RNLS: variants seen among roughly 807,000 people sequenced by gnomAD.
RNLS encodes renalase, FAD dependent amine oxidase, also known as renalase.
Under a neutral mutation model 39.8 loss-of-function variants are expected in RNLS, and 39 were observed. The ratio of observed to expected loss-of-function variants is 0.98; its 90% confidence interval spans 0.76 to 1.28. The LOEUF (loss-of-function observed/expected upper bound fraction) is 1.28. Ranked by LOEUF, RNLS falls within the 50% of genes most tolerant of loss-of-function variation. RNLS has a pLI of 0.00. For missense variants in RNLS, 410 were observed against 413.3 expected (o/e 0.99, Z 0.07); for synonymous variants, 147 against 150.7 (o/e 0.98, Z 0.18).
chr10:88,507,128 C>T (rs904091527), intron 4 of RNLS, among the ~76,000 whole-genome samples: 12 of 152,096 alleles, frequency 7.9e-5, no homozygotes, highest in Admixed American at 5.9e-4. Flanking sequence ...AAATCACGGC[C>T]AATGGCCAAG....
intron 4 of RNLS, among the ~76,000 whole-genome samples, chr10:88,554,667 T>C (rs1355573879): frequency 1.3e-5 from 2 of 152,004 alleles, no homozygotes; most frequent in Non-Finnish European, 2.9e-5. Flanking sequence ...CATCTATCTG[T>C]GTTGATGTGC....
At chr10:88,327,395 T>C (rs970575796) in intron 5 of RNLS, among the ~76,000 whole-genome samples, 1 of 152,132 alleles carries the variant, frequency 6.6e-6, no homozygotes, top group Non-Finnish European at 1.5e-5. Context: ...TGAAAGTGAG[T>C]GAGTTCTCAT....
intron 6 of RNLS, 45 bp from the exon 7 acceptor site, chr10:88,285,551 T>C (rs1319738871): frequency 5.1e-6 from 8 of 1,566,610 alleles, no homozygotes; most frequent in African/African-American, 1.4e-5. Flanking sequence ...CTGTGCTCTA[T>C]TGTGCTGTCA....
chr10:88,293,410 T>C (rs1843822635), intron 6 of RNLS, among the ~76,000 whole-genome samples: 4 of 152,306 alleles, frequency 2.6e-5, no homozygotes, highest in Admixed American at 2.6e-4. Context: ...TGTTCTTTTA[T>C]AGCCCCTATC....
At position 88,336,417 on chromosome 10, in the gene RNLS, A is replaced by G. The variant is rs1847501039; in HGVS notation, c.701-21776T>C. 2.0e-5 allele frequency among the ~76,000 whole-genome samples: 3 copies of G among 152,234 alleles called. No homozygotes were observed. In the South Asian group the frequency reaches 6.2e-4, roughly 31 times the overall value. On this transcript the variant is annotated intron_variant, in intron 5 of 6. Transcript: ENST00000331772. ...TTTGGATTTCTTATGTTTAAACAAG[A>G]CACACAGACATCCTCTAAACAACTC... is the stretch of plus-strand genomic sequence containing the variant.
chr10:88,354,542 GC>G (rs746725693), intron 5 of RNLS, among the ~76,000 whole-genome samples: 1 of 152,164 alleles, frequency 6.6e-6, no homozygotes, highest in East Asian at 1.9e-4. Flanking sequence ...TTGAATATTG[GC>G]CCCCCCTCTC....
the RNLS span, among the ~76,000 whole-genome samples, chr10:88,190,239 T>G: frequency 2.0e-5 from 3 of 152,244 alleles, no homozygotes; most frequent in Non-Finnish European, 4.4e-5. Context: ...AGGAACTGCT[T>G]CATTCTTTCA....
chr10:88,172,787 T>A, the RNLS span, among the ~76,000 whole-genome samples: 2 of 151,196 alleles, frequency 1.3e-5, no homozygotes, highest in Non-Finnish European at 2.9e-5. Context: ...TATGTTTTCT[T>A]CTAAGAGTTT....
chr10:88,196,043 TA>T, the RNLS span, among the ~76,000 whole-genome samples: 1 of 152,174 alleles, frequency 6.6e-6, no homozygotes, highest in Non-Finnish European at 1.5e-5. Flanking sequence ...GAGGTGTAGA[TA>T]AAATGGGGAC....
At chr10:88,198,860 C>G in the RNLS span, among the ~76,000 whole-genome samples, 1 of 152,114 alleles carries the variant, frequency 6.6e-6, no homozygotes, top group Non-Finnish European at 1.5e-5. Context: ...AGTGCAAGAA[C>G]AAACCAATAC....
At chr10:88,507,301 C>A (rs1845846595) in intron 4 of RNLS, among the ~76,000 whole-genome samples, 2 of 151,924 alleles carry the variant, frequency 1.3e-5, no homozygotes, top group South Asian at 4.1e-4. Context: ...TAATAATTTT[C>A]TTTGAATATT....
At chr10:88,341,329 CAAAAAAAAAAAA>C (rs755002114) in intron 5 of RNLS, among the ~76,000 whole-genome samples, 2 of 50,698 alleles carry the variant, frequency 3.9e-5, no homozygotes, top group East Asian at 4.6e-4. Flanking sequence ...AACTCCATCT[CAAAAAAAAAAAA>C]AAAAAAAAAG....
At chr10:88,338,112 A>G (rs78571821) in intron 5 of RNLS, among the ~76,000 whole-genome samples, 12 of 152,346 alleles carry the variant, frequency 7.9e-5, no homozygotes, top group African/African-American at 2.6e-4. Context: ...CAGTCTAAAA[A>G]TCAGTTGGCA....
intron 4 of RNLS, among the ~76,000 whole-genome samples, chr10:88,420,087 T>TAAG (rs1854313052): frequency 6.6e-6 from 1 of 150,634 alleles, no homozygotes. Context: ...AATAAAATAA[T>TAAG]AAGAGCATTG....
At chr10:88,548,261 C>CAAAAAAAAAAAAAAAAAAAAAAAAAAAA (rs869175046) in intron 4 of RNLS, among the ~76,000 whole-genome samples, 2 of 32,404 alleles carry the variant, frequency 6.2e-5, no homozygotes, top group Non-Finnish European at 4.6e-5. Flanking sequence ...GACTCCGTCT[C>CAAAAAAAAAAAAAAAAAAAAAAAAAAAA]AAAAAAAAAA....
At position 88,429,993 on chromosome 10, in the gene RNLS, G is replaced by T. The variant is rs188291633; in HGVS notation, c.527-67268C>A. 1.7e-3 allele frequency among the ~76,000 whole-genome samples: 263 copies of T among 151,658 alleles called. 2 individuals carry two copies. Among genetic ancestry groups the T allele is most frequent in the African/African-American group, 5.8e-3 (242 of 41,430 alleles). On this transcript the variant is annotated intron_variant, in intron 4 of 6. Transcript: ENST00000331772. ...TTTCAAATTGTTTTCCCTATTCTAG[G>T]TCCTTTGCATTTACACATGAATTTT...
At chr10:88,501,226 C>G (rs1845467443) in intron 4 of RNLS, among the ~76,000 whole-genome samples, 1 of 152,064 alleles carries the variant, frequency 6.6e-6, no homozygotes, top group Non-Finnish European at 1.5e-5. Context: ...GGGATATATA[C>G]ATGATCAATA....
Position 88,583,098 on chromosome 10 carries a change from A to G in RNLS, c.93T>C (p.Ala31=), listed in dbSNP as rs138933182. The G allele has an allele frequency of 2.4e-5, 38 of 1,613,918 alleles. No individual in the cohort carries two copies. Among genetic ancestry groups the G allele is most frequent in the Non-Finnish European group, 3.1e-5 (37 of 1,179,920 alleles). The part of the protein sequence containing the change: ...RRQTSGPLYL[A]VWDKAEDSGG... ...CTGAGTCCTCAGCCTTGTCCCACAC[A>G]GCAAGGTACAAGGGACCGGACGTCT... The change falls in exon 1 of 7, where the codon GCT becomes GCC. Residue 31 remains alanine (A), a synonymous_variant. Transcript: ENST00000331772.
intron 4 of RNLS, among the ~76,000 whole-genome samples, chr10:88,411,060 A>G (rs1000484357): frequency 6.6e-6 from 1 of 152,172 alleles, no homozygotes; most frequent in African/African-American, 2.4e-5. Context: ...TGATTCCACA[A>G]GACAAGTCTA....
Sources: allele counts gnomAD v4.1 joint callset (sites outside exome capture counted in the v4.1 genomes callset), GRCh38; gene constraint gnomAD v4.1.1; transcripts MANE v1.5; gene names NCBI Gene and HGNC (gene_info 2026-07-23, HGNC 2026-07-21).